SYNPO2: variants seen among roughly 807,000 people sequenced by gnomAD.
The protein encoded by SYNPO2 is synaptopodin 2.
A neutral mutation model predicts 85.0 loss-of-function variants in SYNPO2; 56 were observed. The observed-to-expected ratio is 0.66, with a 90% CI of 0.53 to 0.82. The LOEUF (loss-of-function observed/expected upper bound fraction) is 0.82, where lower values mean the gene tolerates loss of function less well. Among genes scored for constraint, SYNPO2 ranks in the 40% least tolerant of loss-of-function variants. SYNPO2 has a pLI of 0.00. For missense variants in SYNPO2, 1,575 were observed against 1,534.2 expected (o/e 1.03, Z -0.44); for synonymous variants, 602 against 591.1 (o/e 1.02, Z -0.27).
intron 1 of SYNPO2, among the ~76,000 whole-genome samples, chr4:119,003,681 C>T (rs1736906130): frequency 6.6e-6 from 1 of 152,110 alleles, no homozygotes; most frequent in East Asian, 1.9e-4. Context: ...TGTTTGCATT[C>T]TGCCTTTTTA....
intron 1 of SYNPO2, among the ~76,000 whole-genome samples, chr4:118,981,986 G>C (rs1466933258): frequency 1.3e-5 from 2 of 152,182 alleles, no homozygotes; most frequent in African/African-American, 4.8e-5. Flanking sequence ...ATTGCCTTAG[G>C]AGAGTGTGTT....
chr4:118,876,671 TTCTTTC>T (rs1481434979), intron 1 of SYNPO2, among the ~76,000 whole-genome samples: 7 of 2,068 alleles, frequency 3.4e-3, no homozygotes, highest in East Asian at 0.014. Context: ...TCCTTTCTCT[TTCTTTC>T]TTTCTTTCTT....
Position 119,032,033 on chromosome 4 carries a change from G to A in SYNPO2, c.3252+6G>A. 6.2e-7 allele frequency: 1 copy of A among 1,613,640 alleles called. No homozygotes were observed. The highest frequency in any genetic ancestry group is 8.5e-7 in the Non-Finnish European group (1 of 1,179,782). On this transcript the variant is annotated splice_donor_region_variant and intron_variant, in intron 4 of 4. Coordinates refer to ENST00000307142, the MANE Select transcript of SYNPO2 (RefSeq NM_133477.3). ...AAAGTGGTGTCACAATTCAGGTGTG[G>A]AAACCATCTGTTGTGGAAGAGTAAT...
intron 1 of SYNPO2, among the ~76,000 whole-genome samples, chr4:118,855,952 T>C (rs1731497408): frequency 6.6e-6 from 1 of 152,186 alleles, no homozygotes; most frequent in African/African-American, 2.4e-5. Flanking sequence ...AGCTCAAATA[T>C]AATTTCTTCT....
intron 4 of SYNPO2, chr4:119,042,350 T>C (rs1251630537): frequency 1.3e-5 from 2 of 152,224 alleles, no homozygotes; most frequent in East Asian, 3.8e-4. Context: ...GATACAATTT[T>C]ATTATCTAGA....
intron 1 of SYNPO2, among the ~76,000 whole-genome samples, chr4:118,863,939 A>T (rs1212419483): frequency 2.6e-5 from 4 of 152,076 alleles, no homozygotes; most frequent in African/African-American, 9.7e-5. Flanking sequence ...TGTTTTCTTC[A>T]TTCCAATTTT....
intron 4 of SYNPO2, chr4:119,036,282 G>A: frequency 1.0e-6 from 1 of 985,408 alleles, no homozygotes. Flanking sequence ...AATCAGGGTT[G>A]TTGAGTTTGT....
intron 4 of SYNPO2, chr4:119,035,562 T>C (rs549091371): frequency 1.0e-6 from 1 of 985,428 alleles, no homozygotes; most frequent in East Asian, 1.1e-4. Context: ...TACTTCAAAA[T>C]ATATTTAGTA....
chr4:119,033,371 T>A (rs749517594), intron 4 of SYNPO2: 1,009 of 985,402 alleles, frequency 1.0e-3, no homozygotes, highest in Non-Finnish European at 1.2e-3. Flanking sequence ...GGTTACCTTG[T>A]AAACTTTAAT....
At chr4:119,028,029 T>C (rs2149188512) in intron 3 of SYNPO2, among the ~76,000 whole-genome samples, 2 of 152,294 alleles carry the variant, frequency 1.3e-5, no homozygotes, top group Non-Finnish European at 2.9e-5. Context: ...ATCTACCTTC[T>C]AGACACAGAA....
intron 1 of SYNPO2, among the ~76,000 whole-genome samples, chr4:118,892,163 C>T (rs150287354): frequency 5.1e-4 from 78 of 152,124 alleles, no homozygotes; most frequent in Non-Finnish European, 8.5e-4. Flanking sequence ...TATACGCAAA[C>T]CCCAAATTTT....
chr4:118,936,001 G>T (rs1443003159), intron 1 of SYNPO2, among the ~76,000 whole-genome samples: 1 of 152,130 alleles, frequency 6.6e-6, no homozygotes, highest in African/African-American at 2.4e-5. Flanking sequence ...GGAAGCAGGA[G>T]AGGCAGGCAC....
At chr4:118,979,457 C>T (rs1177960627) in intron 1 of SYNPO2, among the ~76,000 whole-genome samples, 1 of 152,200 alleles carries the variant, frequency 6.6e-6, no homozygotes, top group Admixed American at 6.5e-5. Context: ...TCATATACTA[C>T]CATCTTGTTT....
At chr4:118,910,661 T>C (rs1222924876) in intron 1 of SYNPO2, among the ~76,000 whole-genome samples, 2 of 152,044 alleles carry the variant, frequency 1.3e-5, no homozygotes, top group African/African-American at 4.8e-5. Context: ...TCACATTTCA[T>C]AGAAAAGCTA....
chr4:119,019,499 T>C (rs557681425), intron 1 of SYNPO2, among the ~76,000 whole-genome samples: 3 of 152,320 alleles, frequency 2.0e-5, no homozygotes, highest in African/African-American at 7.2e-5. Context: ...TTTGAACTTA[T>C]AACACATTGA....
rs530066489 is a variant in SYNPO2 at position 118,966,040 on chromosome 4, G to A, written c.106-57390G>A. ...ACTGCACTCCAGCCTGGGTGACACGGTGAGACCCTGTCTAAATAAATAAAT... is the reference window on the plus strand; with the variant it reads ...ACTGCACTCCAGCCTGGGTGACACGATGAGACCCTGTCTAAATAAATAAAT... On this transcript the variant is annotated intron_variant, in intron 1 of 4. Transcript: ENST00000307142. Among the ~76,000 whole-genome samples the A allele has an allele frequency of 3.3e-5, 5 of 152,172 alleles. No individual in the cohort carries two copies. The South Asian group carries it at 6.2e-4, about 19-fold the overall frequency.
At chr4:118,859,829 A>G (rs35708799) in intron 1 of SYNPO2, among the ~76,000 whole-genome samples, 17,532 of 152,212 alleles carry the variant, frequency 0.12, 1,312 homozygotes, top group Non-Finnish European at 0.16. Flanking sequence ...TGCGCCCTTC[A>G]AACATTGCTT....
chr4:119,035,276 G>A (rs916489613), intron 4 of SYNPO2: 3 of 985,360 alleles, frequency 3.0e-6, no homozygotes, highest in Non-Finnish European at 3.6e-6. Context: ...TCTGCATAAC[G>A]CTTGGGATTC....
At chr4:118,947,221 C>T (rs1455331693) in intron 1 of SYNPO2, among the ~76,000 whole-genome samples, 1 of 152,112 alleles carries the variant, frequency 6.6e-6, no homozygotes, top group Non-Finnish European at 1.5e-5. Flanking sequence ...CTTTTACAGC[C>T]TGATAGGGAA....
Sources: gnomAD v4.1 joint callset for allele counts (sites outside exome capture counted in the v4.1 genomes callset) on GRCh38, gnomAD v4.1.1 for gene constraint, MANE v1.5 for transcripts, NCBI Gene and HGNC (gene_info 2026-07-23, HGNC 2026-07-21) for gene names.